SPAG16: variants seen among roughly 807,000 people sequenced by gnomAD.
The protein encoded by SPAG16 is sperm-associated antigen 16 protein.
SPAG16 carries 86 observed loss-of-function variants against 80.4 expected under a neutral mutation model. That is an observed-to-expected ratio of 1.07 (90% CI 0.90 to 1.28). The LOEUF is 1.28. Among genes scored for constraint, SPAG16 ranks in the 50% most tolerant of loss-of-function variants. SPAG16 has a pLI of 0.00. For missense variants in SPAG16, 870 were observed against 765.3 expected (o/e 1.14, Z -1.61); for synonymous variants, 294 against 265.9 (o/e 1.11, Z -1.03).
rs185072919 is a variant in SPAG16, at chr2:213,682,463, C to T, written c.1071-180022C>T. 4.6e-5 allele frequency among the ~76,000 whole-genome samples: 7 copies of T among 152,246 alleles called. 1 individual carries two copies. The highest frequency in any genetic ancestry group is 1.7e-4 in the African/African-American group (7 of 41,548). ...GAAGAAAGAAACACAAAAAGTGGCT[C>T]AACAGTCAAAGACAGGTTTATTTTG... is the stretch of plus-strand genomic sequence containing the variant. On this transcript the variant is annotated intron_variant, in intron 10 of 15. Transcript: ENST00000331683.
intron 15 of SPAG16, among the ~76,000 whole-genome samples, chr2:214,388,406 T>C (rs1019162643): frequency 6.6e-6 from 1 of 152,164 alleles, no homozygotes; most frequent in African/African-American, 2.4e-5. Context: ...GTCTGTTATG[T>C]ATTGTTAAAG....
intron 10 of SPAG16, among the ~76,000 whole-genome samples, chr2:213,754,873 T>C (rs2068250506): frequency 6.6e-6 from 1 of 152,224 alleles, no homozygotes; most frequent in Non-Finnish European, 1.5e-5. Context: ...AGGCAACTTA[T>C]TATAAGAAAC....
At chr2:213,331,411 G>GCCC (rs1429108091) in intron 5 of SPAG16, among the ~76,000 whole-genome samples, 1 of 152,192 alleles carries the variant, frequency 6.6e-6, no homozygotes, top group Non-Finnish European at 1.5e-5. Flanking sequence ...AAATATATAT[G>GCCC]CACCCAACAC....
intron 10 of SPAG16, among the ~76,000 whole-genome samples, chr2:213,755,807 T>G (rs1250696671): frequency 6.6e-6 from 1 of 152,168 alleles, no homozygotes; most frequent in Non-Finnish European, 1.5e-5. Flanking sequence ...GCATGAGATA[T>G]GTAACTAATA....
At chr2:214,312,438 G>A (rs887854706) in intron 15 of SPAG16, among the ~76,000 whole-genome samples, 2 of 152,050 alleles carry the variant, frequency 1.3e-5, no homozygotes, top group African/African-American at 4.8e-5. Context: ...TTTCATCCTG[G>A]GTAAATTTGC....
chr2:214,279,116 T>A (rs1374525997), intron 15 of SPAG16, among the ~76,000 whole-genome samples: 1 of 151,688 alleles, frequency 6.6e-6, no homozygotes, highest in Non-Finnish European at 1.5e-5. Context: ...TTTTTTTTTT[T>A]TTTTTGAGTC....
At position 213,373,744 on chromosome 2, in the gene SPAG16, G is replaced by A. The variant is rs1273349252; in HGVS notation, c.833-1266G>A. On this transcript the variant is annotated intron_variant, in intron 8 of 15. Coordinates refer to ENST00000331683, the MANE Select transcript of SPAG16 (RefSeq NM_024532.5). ...TGCATTCCCCTTCTCATATACAATG[G>A]GAACAAAAGGTAGTGTGACCTTCAC... Among the ~76,000 whole-genome samples the A allele has an allele frequency of 5.9e-5, 9 of 152,060 alleles. No individual in the cohort carries two copies. In the South Asian group the frequency reaches 1.7e-3, roughly 28 times the overall value.
intron 15 of SPAG16, among the ~76,000 whole-genome samples, chr2:214,272,870 G>A (rs989484990): frequency 1.2e-4 from 18 of 152,064 alleles, no homozygotes; most frequent in African/African-American, 3.6e-4. Flanking sequence ...TCACCACACT[G>A]TCTTCCACAA....
intron 11 of SPAG16, among the ~76,000 whole-genome samples, chr2:213,899,235 G>A (rs1241870932): frequency 6.6e-6 from 1 of 152,054 alleles, no homozygotes; most frequent in East Asian, 1.9e-4. Context: ...GAGATGAACG[G>A]AGTGTCTTTG....
At chr2:213,561,988 G>A (rs895420029) in intron 10 of SPAG16, among the ~76,000 whole-genome samples, 3 of 152,110 alleles carry the variant, frequency 2.0e-5, no homozygotes, top group African/African-American at 7.2e-5. Flanking sequence ...CTTTCATTTT[G>A]CTCTAGCGAA....
chr2:213,788,501 G>C (rs1326132216), intron 10 of SPAG16, among the ~76,000 whole-genome samples: 1 of 151,732 alleles, frequency 6.6e-6, no homozygotes, highest in African/African-American at 2.4e-5. Context: ...TTCTGTGCAA[G>C]ATTCTTTGTT....
chr2:214,195,798 T>C (rs1466814546), intron 15 of SPAG16, among the ~76,000 whole-genome samples: 1 of 151,788 alleles, frequency 6.6e-6, no homozygotes, highest in Non-Finnish European at 1.5e-5. Context: ...TAAAAAAAAC[T>C]AGCTATGGAA....
At chr2:213,321,137 T>G (rs1164662510) in intron 5 of SPAG16, among the ~76,000 whole-genome samples, 1 of 152,056 alleles carries the variant, frequency 6.6e-6, no homozygotes, top group African/African-American at 2.4e-5. Flanking sequence ...TCAAATACTT[T>G]TCTAATAATA....
chr2:213,606,476 G>A (rs932506275), intron 10 of SPAG16, among the ~76,000 whole-genome samples: 10 of 152,162 alleles, frequency 6.6e-5, no homozygotes, highest in African/African-American at 2.4e-4. Context: ...ATTGTGTTTT[G>A]ATTGAAACTT....
chr2:213,666,477 G>C (rs1481830228), intron 10 of SPAG16, among the ~76,000 whole-genome samples: 3 of 152,050 alleles, frequency 2.0e-5, no homozygotes, highest in African/African-American at 4.8e-5. Flanking sequence ...TAAAACCTAG[G>C]ACTGCATGTA....
chr2:213,900,809 C>G (rs1332990057), intron 11 of SPAG16, among the ~76,000 whole-genome samples: 1 of 152,142 alleles, frequency 6.6e-6, no homozygotes, highest in Non-Finnish European at 1.5e-5. Context: ...ATGTGTTCAT[C>G]ATTTTAAAGG....
chr2:214,250,996 T>C (rs1235779482), intron 15 of SPAG16, among the ~76,000 whole-genome samples: 1 of 151,734 alleles, frequency 6.6e-6, no homozygotes, highest in Non-Finnish European at 1.5e-5. Context: ...AAAAGTCTTT[T>C]TTTCTATCTA....
chr2:214,389,914 C>T (rs1700973190), intron 15 of SPAG16, among the ~76,000 whole-genome samples: 1 of 152,100 alleles, frequency 6.6e-6, no homozygotes, highest in Non-Finnish European at 1.5e-5. Context: ...CTATGTAAAA[C>T]GTTGAAGTGA....
At chr2:213,310,313 AACC>A (rs2063129111) in intron 4 of SPAG16, 136 bp downstream of exon 4, 3 of 461,714 alleles carry the variant, frequency 6.5e-6, no homozygotes, top group Non-Finnish European at 3.9e-6. Flanking sequence ...CCAGCCCTGA[AACC>A]ACAACACACA....
Sources: gnomAD v4.1 joint callset for allele counts (sites outside exome capture counted in the v4.1 genomes callset) on GRCh38, gnomAD v4.1.1 for gene constraint, MANE v1.5 for transcripts, NCBI Gene and HGNC (gene_info 2026-07-23, HGNC 2026-07-21) for gene names.